ZCCHC4: variants seen among roughly 807,000 people sequenced by gnomAD.
The protein encoded by ZCCHC4 is zinc finger CCHC-type containing 4, also known as rRNA N(6)-adenosine-methyltransferase ZCCHC4.
Under a neutral mutation model 67.7 loss-of-function variants are expected in ZCCHC4, and 54 were observed. That is an observed-to-expected ratio of 0.80 (90% CI 0.64 to 1.00). The LOEUF (loss-of-function observed/expected upper bound fraction) is 1.00. Ranked by LOEUF, ZCCHC4 falls within the 50% of genes least tolerant of loss-of-function variation. The pLI is 0.00. For missense variants in ZCCHC4, 609 were observed against 617.0 expected (o/e 0.99, Z 0.14); for synonymous variants, 198 against 213.5 (o/e 0.93, Z 0.63).
intron 8 of ZCCHC4, among the ~76,000 whole-genome samples, chr4:25,353,637 T>A (rs529429512): frequency 6.6e-6 from 1 of 152,330 alleles, no homozygotes; most frequent in Admixed American, 6.5e-5. Context: ...AATGGATAAC[T>A]GAGTGAAATA....
chr4:25,362,300 A>G lies in ZCCHC4; in HGVS notation c.1208A>G (p.Lys403Arg). ...GAGCTCTGTAATTCTTGCACATCCAAGGTATGGTGTTCTTATAGAATGTAT... is the reference window on the plus strand; with the variant it reads ...GAGCTCTGTAATTCTTGCACATCCAGGGTATGGTGTTCTTATAGAATGTAT... ...HCELCNSCTS[K>R]DGRKWNHCFL... Residue 403 changes from lysine to arginine, a missense_variant and splice_region_variant, in exon 10 of 13, where the codon AAG becomes AGG. Transcript: ENST00000302874. The G allele has an allele frequency of 1.9e-6, 3 of 1,589,800 alleles. No homozygotes were observed. The highest frequency in any genetic ancestry group is 1.7e-5 in the Admixed American group (1 of 58,770).
At chr4:25,328,219 T>C (rs1718991051) in intron 3 of ZCCHC4, among the ~76,000 whole-genome samples, 1 of 152,198 alleles carries the variant, frequency 6.6e-6, no homozygotes, top group African/African-American at 2.4e-5. Flanking sequence ...TTTATCTTTA[T>C]CTCTGTTCGT....
chr4:25,350,254 CTTTTTTTTTT>C (rs751802021), intron 7 of ZCCHC4, among the ~76,000 whole-genome samples: 4 of 84,914 alleles, frequency 4.7e-5, no homozygotes, highest in African/African-American at 1.0e-4. Flanking sequence ...GGTACTGCTT[CTTTTTTTTTT>C]TTTTTTTTTT....
intron 3 of ZCCHC4, among the ~76,000 whole-genome samples, chr4:25,317,243 G>A (rs982981199): frequency 6.6e-5 from 10 of 152,106 alleles, no homozygotes; most frequent in African/African-American, 2.4e-4. Context: ...GTACTGGGGT[G>A]TATTTATAAT....
rs777768505 is a variant in ZCCHC4, at chr4:25,324,014, G to GGTTTTTTTTTTTTTTT, written c.329+8614_329+8615insGTTTTTTTTTTTTTTT. ...TCGTACAGTATGTACTGTTTTTTGTGTTTTTTTTTTTTTTTTGAGACAGAG... is the reference window on the plus strand; with the variant it reads ...TCGTACAGTATGTACTGTTTTTTGTGGTTTTTTTTTTTTTTTTTTTTTTTTTTTTTTTGAGACAGAG... On this transcript the variant is annotated intron_variant, in intron 3 of 12. Coordinates refer to ENST00000302874, the MANE Select transcript of ZCCHC4 (RefSeq NM_024936.3). 2.3e-3 allele frequency among the ~76,000 whole-genome samples: 186 copies of GGTTTTTTTTTTTTTTT among 82,420 alleles called. 1 individual carries two copies. The highest frequency in any genetic ancestry group is 9.1e-3 in the Middle Eastern group (1 of 110). The allele number at this position is 82,420 out of a possible 152,430, so 54.1% of individuals were successfully genotyped here. A position where few individuals can be genotyped will look rare whatever the true frequency, so the allele number is the denominator to read the frequency against.
intron 8 of ZCCHC4, among the ~76,000 whole-genome samples, chr4:25,354,969 G>A (rs1446658206): frequency 7.5e-6 from 1 of 134,046 alleles, no homozygotes; most frequent in African/African-American, 2.8e-5. Flanking sequence ...CCACAATGCA[G>A]TAAAAAACCC....
intron 8 of ZCCHC4, among the ~76,000 whole-genome samples, chr4:25,361,423 G>A (rs1216932365): frequency 6.6e-6 from 1 of 152,226 alleles, no homozygotes; most frequent in Non-Finnish European, 1.5e-5. Context: ...GCATGACTTA[G>A]CAGGTTTGGA....
intron 3 of ZCCHC4, among the ~76,000 whole-genome samples, chr4:25,320,137 CAT>C: frequency 6.6e-6 from 1 of 151,636 alleles, no homozygotes; most frequent in African/African-American, 2.4e-5. Flanking sequence ...CTTTATGTTT[CAT>C]ATGTGTTCAG....
chr4:25,366,346 T>C (rs1308321038), intron 12 of ZCCHC4: 1 of 787,010 alleles, frequency 1.3e-6, no homozygotes, highest in East Asian at 1.3e-4. Flanking sequence ...GACAGAGTCT[T>C]GCTCTGTCGC....
At chr4:25,345,011 C>T (rs745613796) in intron 5 of ZCCHC4, among the ~76,000 whole-genome samples, 9 of 151,926 alleles carry the variant, frequency 5.9e-5, no homozygotes, top group Non-Finnish European at 1.2e-4. Context: ...CCATGTTGCC[C>T]AGGTTGGTCT....
At chr4:25,338,714 G>A (rs747159496) in intron 5 of ZCCHC4, among the ~76,000 whole-genome samples, 11 of 152,170 alleles carry the variant, frequency 7.2e-5, no homozygotes, top group Non-Finnish European at 1.6e-4. Context: ...CACCCATGTG[G>A]TAGCATGTGT....
intron 3 of ZCCHC4, among the ~76,000 whole-genome samples, chr4:25,326,226 G>A (rs1450961487): frequency 3.3e-5 from 5 of 152,184 alleles, no homozygotes; most frequent in Non-Finnish European, 7.3e-5. Context: ...CCCGTGCTCC[G>A]TTTTTATAGC....
Position 25,328,957 on chromosome 4 carries a change from G to C in ZCCHC4, c.330-4226G>C, listed in dbSNP as rs546328420. On this transcript the variant is annotated intron_variant, in intron 3 of 12. Transcript: ENST00000302874. Reference sequence around the variant, plus strand: ...AATCCCAAGACTTTTGGAGGCCAAAGCAAGTGGGTCACTTGAGCCCAGGAG... The same window carrying C: ...AATCCCAAGACTTTTGGAGGCCAAACCAAGTGGGTCACTTGAGCCCAGGAG... 8.5e-5 allele frequency among the ~76,000 whole-genome samples: 13 copies of C among 152,238 alleles called. No individual in the cohort carries two copies. The South Asian group carries it at 2.7e-3, about 32-fold the overall frequency.
Position 25,314,077 on chromosome 4 carries a change from A to C in ZCCHC4, c.159A>C (p.Gln53His). 6.2e-7 allele frequency: 1 copy of C among 1,609,704 alleles called. No individual in the cohort carries two copies. ...GPTLLFVKVT[Q>H]GKEETRRFYA... ...CTCTTCTGTTTGTAAAGGTGACCCAAGGGAAAGAAGAAACTCGGAGGTTTT... is the reference window on the plus strand; with the variant it reads ...CTCTTCTGTTTGTAAAGGTGACCCACGGGAAAGAAGAAACTCGGAGGTTTT... Residue 53 changes from glutamine to histidine, a missense_variant, in exon 2 of 13, where the codon CAA becomes CAC. Coordinates refer to ENST00000302874, the MANE Select transcript of ZCCHC4 (RefSeq NM_024936.3).
Position 25,359,071 on chromosome 4 carries a change from G to A in ZCCHC4, c.1012-2788G>A, listed in dbSNP as rs1321376478. Among the ~76,000 whole-genome samples, 3 of 152,198 alleles carry A rather than the reference G, an allele frequency of 2.0e-5. No individual in the cohort carries two copies. Among genetic ancestry groups the A allele is most frequent in the Admixed American group, 6.5e-5 (1 of 15,276 alleles). On this transcript the variant is annotated intron_variant, in intron 8 of 12. Transcript: ENST00000302874. The surrounding 1 kb of genome is among the most constrained non-coding windows in gnomAD (Gnocchi z 4.9). ...TTCATTCCCTGGTGATTCTGGGTCA[G>A]CCATGTGGCCACAGCATGGGTTGTG...
intron 6 of ZCCHC4, 103 bp downstream of exon 6, chr4:25,345,723 G>T: frequency 1.3e-6 from 1 of 750,758 alleles, no homozygotes; most frequent in Non-Finnish European, 2.2e-6. Context: ...GTCAAATTGT[G>T]GCTGTTCTAC....
intron 8 of ZCCHC4, among the ~76,000 whole-genome samples, chr4:25,353,885 C>A (rs186639399): frequency 1.4e-4 from 21 of 152,308 alleles, no homozygotes; most frequent in Non-Finnish European, 2.1e-4. Flanking sequence ...TCATTGTCAT[C>A]ATTCAGATAG....
In ZCCHC4 at chr4:25,347,344, C is replaced by G. The variant is rs533050236; in HGVS notation, c.759+1724C>G. Among the ~76,000 whole-genome samples the G allele has an allele frequency of 3.9e-5, 6 of 152,018 alleles. No individual in the cohort carries two copies. In the South Asian group the frequency reaches 1.2e-3, roughly 32 times the overall value. On this transcript the variant is annotated intron_variant, in intron 6 of 12. Coordinates refer to ENST00000302874, the MANE Select transcript of ZCCHC4 (RefSeq NM_024936.3). ...GGTAATTAGCCTTTTTTTCGAAACT[C>G]TTTGTAGCTTATAGAAAGTGTACAG... is the stretch of plus-strand genomic sequence containing the variant.
chr4:25,363,707 T>C (rs1720842020), intron 10 of ZCCHC4, among the ~76,000 whole-genome samples: 1 of 152,246 alleles, frequency 6.6e-6, no homozygotes, highest in African/African-American at 2.4e-5. Context: ...TGAGACATGA[T>C]GTGTATTCTT....
Sources: gnomAD v4.1 joint callset for allele counts (sites outside exome capture counted in the v4.1 genomes callset) on GRCh38, gnomAD v4.1.1 for gene constraint, Gnocchi (gnomAD v3.1) non-coding constraint, MANE v1.5 for transcripts, NCBI Gene and HGNC (gene_info 2026-07-23, HGNC 2026-07-21) for gene names.